Variants in KIF6 observed in about 807,000 individuals in gnomAD.
KIF6 encodes kinesin family member 6, also known as kinesin-like protein KIF6.
KIF6 carries 106 observed loss-of-function variants against 112.7 expected under a neutral mutation model. The observed-to-expected ratio is 0.94, with a 90% CI of 0.80 to 1.11. KIF6 has a LOEUF of 1.11. KIF6 is among the 50% of genes least tolerant of loss of function. The pLI, the probability that KIF6 is intolerant of heterozygous loss-of-function variation, is 0.00. For missense variants in KIF6, 929 were observed against 964.0 expected, an observed-to-expected ratio of 0.96 and a Z score of 0.48; for synonymous variants, 339 against 339.9, an observed-to-expected ratio of 1.00 and a Z score of 0.03.
intron 3 of KIF6, among the ~76,000 whole-genome samples, chr6:39,692,460 A>AT (rs1788272205): frequency 6.6e-6 from 1 of 152,248 alleles, no homozygotes; most frequent in South Asian, 2.1e-4. Flanking sequence ...ACATGGAGAC[A>AT]CTGTGCAGTC....
intron 3 of KIF6, among the ~76,000 whole-genome samples, chr6:39,670,754 G>A (rs190255527): frequency 1.3e-5 from 2 of 152,214 alleles, no homozygotes; most frequent in East Asian, 3.9e-4. Context: ...CCTTTAGTGA[G>A]TCCTCCTCCC....
chr6:39,561,601 G>A (rs907458191), intron 10 of KIF6, among the ~76,000 whole-genome samples: 17 of 152,036 alleles, frequency 1.1e-4, no homozygotes, highest in South Asian at 2.1e-4. Context: ...CAAGTGATCC[G>A]CCTGCCTTGG....
intron 10 of KIF6, among the ~76,000 whole-genome samples, chr6:39,577,167 G>C (rs1444188070): frequency 6.6e-6 from 1 of 152,190 alleles, no homozygotes; most frequent in Non-Finnish European, 1.5e-5. Context: ...CTGGAATTAG[G>C]AAACACTACC....
rs377073481 is a variant in KIF6 at position 39,639,678 on chromosome 6, C to T, written c.331G>A (p.Ala111Thr). The stretch of plus-strand genomic sequence containing the variant: ...ATGCCTCTGTCACTGTAACGCTCTG[C>T]ACCCCCTGTGATAGTGAATGTCTTC... ...SGKTFTITGG[A>T]ERYSDRGIIP... The change falls in exon 4 of 23, where the codon GCA (alanine) becomes ACA (threonine). Residue 111 changes from alanine to threonine, a missense_variant. Ala to Thr is a moderately conservative substitution (Grantham distance 58, BLOSUM62 0). Coordinates refer to ENST00000287152, the MANE Select transcript of KIF6 (RefSeq NM_145027.6). The T allele has an allele frequency of 2.1e-5, 34 of 1,611,900 alleles. No individual in the cohort carries two copies. Among genetic ancestry groups the T allele is most frequent in the Non-Finnish European group, 2.5e-5 (29 of 1,178,896 alleles).
chr6:39,376,567 C>G (rs545082449), intron 16 of KIF6, among the ~76,000 whole-genome samples: 1 of 152,362 alleles, frequency 6.6e-6, no homozygotes, highest in East Asian at 1.9e-4. Context: ...CTAAGTTTCA[C>G]TCATTCATTC....
chr6:39,689,353 G>A (rs571769548), intron 3 of KIF6, among the ~76,000 whole-genome samples: 2 of 152,096 alleles, frequency 1.3e-5, no homozygotes, highest in Admixed American at 6.5e-5. Context: ...AAAATTAGCT[G>A]AGTGTGGTGG....
At position 39,343,538 on chromosome 6, in the gene KIF6, C is replaced by A; in HGVS notation, c.2428+171G>T. ...GTGTTTCTGATGCTGCCCCTTGAGG[C>A]TTTCTCGAGAAGGAATCAGAGGCTG... is the stretch of plus-strand genomic sequence containing the variant. On this transcript the variant is annotated intron_variant, in intron 22 of 22. Coordinates refer to ENST00000287152, the MANE Select transcript of KIF6 (RefSeq NM_145027.6). The surrounding 1 kb of genome is among the most constrained non-coding windows in gnomAD (Gnocchi z 4.1). 7.1e-7 allele frequency: 1 copy of A among 1,401,834 alleles called. No homozygotes were observed. The highest frequency in any genetic ancestry group is 9.6e-7 in the Non-Finnish European group (1 of 1,040,476). 86.8% of individuals were successfully genotyped at this position (1,401,834 alleles called of 1,614,324 possible). A position where few individuals can be genotyped will look rare whatever the true frequency, so the allele number is the denominator to read the frequency against.
chr6:39,621,580 C>T (rs564578144), intron 5 of KIF6, among the ~76,000 whole-genome samples: 1 of 152,284 alleles, frequency 6.6e-6, no homozygotes, highest in African/African-American at 2.4e-5. Context: ...TCGCTGTGCC[C>T]CAGGCCTAAA....
intron 13 of KIF6, among the ~76,000 whole-genome samples, chr6:39,520,113 C>G (rs1777304984): frequency 6.6e-6 from 1 of 152,112 alleles, no homozygotes; most frequent in Admixed American, 6.6e-5. Flanking sequence ...CTTCCCTATT[C>G]CTCTTCCGGA....
intron 3 of KIF6, among the ~76,000 whole-genome samples, chr6:39,711,883 G>A (rs531472055): frequency 6.2e-4 from 94 of 152,234 alleles, no homozygotes; most frequent in African/African-American, 2.1e-3. Context: ...TAACATTCTT[G>A]ACTAGAGAAA....
intron 9 of KIF6, among the ~76,000 whole-genome samples, chr6:39,580,207 CT>C (rs1189371651): frequency 6.6e-6 from 1 of 151,982 alleles, no homozygotes; most frequent in Non-Finnish European, 1.5e-5. Context: ...CCTTACGTGT[CT>C]TTAATTATAT....
chr6:39,535,580 A>G (rs1231214679), intron 13 of KIF6, among the ~76,000 whole-genome samples: 5 of 152,262 alleles, frequency 3.3e-5, no homozygotes, highest in African/African-American at 1.2e-4. Flanking sequence ...TGAGTGACCT[A>G]TAAAGAGACT....
rs1763506560 is a variant in KIF6 at position 39,343,937 on chromosome 6, G to A, written c.2322-122C>T. 1.7e-6 allele frequency: 1 copy of A among 587,306 alleles called. No homozygotes were observed. The highest frequency in any genetic ancestry group is 2.2e-5 in the South Asian group (1 of 45,546). 36.4% of individuals were successfully genotyped at this position (587,306 alleles called of 1,614,324 possible). On this transcript the variant is annotated intron_variant, in intron 21 of 22. Coordinates refer to ENST00000287152, the MANE Select transcript of KIF6 (RefSeq NM_145027.6). The surrounding 1 kb of genome is among the most constrained non-coding windows in gnomAD (Gnocchi z 4.1). ...CTCAGAAAGCTACATGACACGGCTG[G>A]CCTGCTTCTCACTCCCTCCTACCTT...
intron 6 of KIF6, among the ~76,000 whole-genome samples, chr6:39,603,320 C>T (rs1245395317): frequency 1.3e-5 from 2 of 152,150 alleles, no homozygotes; most frequent in Non-Finnish European, 2.9e-5. Flanking sequence ...CTTTACATAA[C>T]ATCAAATGCC....
At chr6:39,437,781 T>A (rs1050318504) in intron 13 of KIF6, among the ~76,000 whole-genome samples, 5 of 152,172 alleles carry the variant, frequency 3.3e-5, no homozygotes, top group African/African-American at 1.2e-4. Context: ...GGTGGTCCCA[T>A]ATGGTGTCAT....
intron 13 of KIF6, among the ~76,000 whole-genome samples, chr6:39,503,849 G>GAAAAAAAAA (rs772144009): frequency 1.2e-5 from 1 of 81,958 alleles, no homozygotes; most frequent in African/African-American, 4.6e-5. Flanking sequence ...CAACCAACCA[G>GAAAAAAAAA]AAAAAAAAAA....
intron 13 of KIF6, among the ~76,000 whole-genome samples, chr6:39,436,965 C>T (rs1581854625): frequency 6.6e-6 from 1 of 152,018 alleles, no homozygotes; most frequent in Non-Finnish European, 1.5e-5. Flanking sequence ...GCAGTATTGT[C>T]ATTTTCACAA....
chr6:39,597,169 A>G (rs1782321956), intron 6 of KIF6, among the ~76,000 whole-genome samples: 1 of 152,216 alleles, frequency 6.6e-6, no homozygotes, highest in Admixed American at 6.5e-5. Context: ...TATTCAATGC[A>G]ATTGAAATAA....
chr6:39,369,433 C>T (rs1359912636), intron 16 of KIF6, among the ~76,000 whole-genome samples: 1 of 152,214 alleles, frequency 6.6e-6, no homozygotes, highest in Admixed American at 6.5e-5. Flanking sequence ...GAGCAGGGCA[C>T]TCTGTGAGAA....
Sources: gnomAD v4.1 joint callset for allele counts (sites outside exome capture counted in the v4.1 genomes callset) on GRCh38, gnomAD v4.1.1 for gene constraint, Gnocchi (gnomAD v3.1) non-coding constraint, MANE v1.5 for transcripts, NCBI Gene and HGNC (gene_info 2026-07-23, HGNC 2026-07-21) for gene names.